YWHAE: variants seen among roughly 807,000 people sequenced by gnomAD.
The protein encoded by YWHAE is 14-3-3 protein epsilon.
Under a neutral mutation model 30.1 loss-of-function variants are expected in YWHAE, and 4 were observed. The ratio of observed to expected loss-of-function variants is 0.13; its 90% CI spans 0.07 to 0.30. The LOEUF is 0.30. YWHAE is among the 10% of genes least tolerant of loss of function. The pLI is 1.00. For missense variants in YWHAE, 121 were observed against 315.9 expected (o/e 0.38, Z 4.68); for synonymous variants, 118 against 111.8 (o/e 1.06, Z -0.35).
intron 1 of YWHAE, among the ~76,000 whole-genome samples, chr17:1,395,400 G>A (rs1002045130): frequency 8.5e-5 from 13 of 152,052 alleles, no homozygotes; most frequent in African/African-American, 1.2e-4. Context: ...GTGGTGGCAC[G>A]CGCCTGTAGT....
At chr17:1,372,752 A>G (rs940162406) in intron 1 of YWHAE, among the ~76,000 whole-genome samples, 23 of 152,122 alleles carry the variant, frequency 1.5e-4, no homozygotes, top group African/African-American at 5.6e-4. Flanking sequence ...CTAGGAGTTC[A>G]AGACCAGCCT....
intron 1 of YWHAE, among the ~76,000 whole-genome samples, chr17:1,373,555 C>A (rs956514905): frequency 2.6e-5 from 4 of 151,892 alleles, no homozygotes; most frequent in African/African-American, 9.7e-5. Flanking sequence ...GTAGTCCCAG[C>A]TACTCGGGAG....
In YWHAE at chr17:1,365,051, C is replaced by T. The variant is rs1270283725; in HGVS notation, c.72G>A (p.Val24=). The T allele has an allele frequency of 3.1e-6, 5 of 1,613,716 alleles. No individual in the cohort carries two copies. The highest frequency in any genetic ancestry group is 4.2e-6 in the Non-Finnish European group (5 of 1,179,976). ...AEQAERYDEM[V]ESMKKVAGMD... is the part of the protein sequence containing the mutation. ...TCCCTGCTACTTTCTTCATTGACTC[C>T]ACCATTTCTGTATGGGAAAAGGAAA... is the stretch of plus-strand genomic sequence containing the variant. The change falls in exon 2 of 6, where the codon GTG becomes GTA. Residue 24 remains valine (V), a synonymous_variant. Coordinates refer to ENST00000264335, the MANE Select transcript of YWHAE (RefSeq NM_006761.5).
intron 5 of YWHAE, among the ~76,000 whole-genome samples, chr17:1,346,830 T>TACAAAAAAA (rs2072527061): frequency 1.4e-5 from 2 of 144,976 alleles, no homozygotes. Flanking sequence ...ACTGAAAAAA[T>TACAAAAAAA]AATACAAAAA....
At chr17:1,354,688 A>G (rs191164076) in intron 4 of YWHAE, among the ~76,000 whole-genome samples, 2 of 152,284 alleles carry the variant, frequency 1.3e-5, no homozygotes, top group East Asian at 1.9e-4. Context: ...TTTAAGACGG[A>G]GTCTGGCTCT....
chr17:1,395,223 T>C (rs1470883447), intron 1 of YWHAE, among the ~76,000 whole-genome samples: 2 of 151,932 alleles, frequency 1.3e-5, no homozygotes, highest in Admixed American at 6.6e-5. Flanking sequence ...TAAAACCCTG[T>C]CTCTACCAAA....
Position 1,388,104 on chromosome 17 carries a change from TTTTTTTTTGGTTGG to T in YWHAE, c.64+11929_64+11942del, listed in dbSNP as rs1567983162. ...CCACCACGCCTGGGTAATTTTTGTT[TTTTTTTTTGGTTGG>T]TTTTTTTTTTTTTTTTTTTTTTTTA... On this transcript the variant is annotated intron_variant, in intron 1 of 5. Coordinates refer to ENST00000264335, the MANE Select transcript of YWHAE (RefSeq NM_006761.5). 8.1e-4 allele frequency among the ~76,000 whole-genome samples: 38 copies of T among 46,870 alleles called. 3 individuals carry two copies. Among genetic ancestry groups the T allele is most frequent in the Admixed American group, 1.6e-3 (5 of 3,206 alleles). 30.7% of individuals were successfully genotyped at this position (46,870 alleles called of 152,430 possible). A position where few individuals can be genotyped will look rare whatever the true frequency, so the allele number is the denominator to read the frequency against.
intron 4 of YWHAE, among the ~76,000 whole-genome samples, chr17:1,356,824 G>C (rs904403504): frequency 5.9e-4 from 89 of 149,968 alleles, no homozygotes; most frequent in African/African-American, 2.2e-3. Flanking sequence ...AAAAAATTCA[G>C]TCAAGCGCAG....
At chr17:1,365,580 A>G (rs567985160) in intron 1 of YWHAE, among the ~76,000 whole-genome samples, 2 of 152,200 alleles carry the variant, frequency 1.3e-5, no homozygotes, top group East Asian at 3.9e-4. Context: ...CATTGGTAAA[A>G]CTTCTGATGA....
At chr17:1,349,590 G>A (rs1405423887) in intron 5 of YWHAE, among the ~76,000 whole-genome samples, 1 of 151,556 alleles carries the variant, frequency 6.6e-6, no homozygotes. Context: ...ACTCAATAAG[G>A]AATTGAACAC....
chr17:1,357,546 C>G (rs887156022), intron 4 of YWHAE, among the ~76,000 whole-genome samples: 11 of 151,696 alleles, frequency 7.3e-5, no homozygotes, highest in Non-Finnish European at 1.0e-4. Context: ...CGCCACTGTA[C>G]TCCAGCCACA....
At chr17:1,388,698 T>C (rs2073344852) in intron 1 of YWHAE, among the ~76,000 whole-genome samples, 1 of 151,488 alleles carries the variant, frequency 6.6e-6, no homozygotes, top group African/African-American at 2.4e-5. Flanking sequence ...GGTATGTCAA[T>C]TCTTTGATGA....
intron 1 of YWHAE, among the ~76,000 whole-genome samples, chr17:1,380,293 G>A (rs1470384704): frequency 6.6e-6 from 1 of 152,040 alleles, no homozygotes; most frequent in Non-Finnish European, 1.5e-5. Context: ...TGTATTTTTA[G>A]TAAAGGTGAG....
chr17:1,386,043 A>G (rs2073296056), intron 1 of YWHAE, among the ~76,000 whole-genome samples: 1 of 152,212 alleles, frequency 6.6e-6, no homozygotes, highest in African/African-American at 2.4e-5. Context: ...TACCAGTGAC[A>G]TTTCAAATGT....
chr17:1,355,133 A>C (rs1328949854), intron 4 of YWHAE, among the ~76,000 whole-genome samples: 16 of 107,996 alleles, frequency 1.5e-4, no homozygotes, highest in African/African-American at 3.3e-4. Context: ...AAAAAAAAAA[A>C]AAAAAAAAAA....
chr17:1,394,031 C>G (rs925505230), intron 1 of YWHAE, among the ~76,000 whole-genome samples: 1 of 152,126 alleles, frequency 6.6e-6, no homozygotes, highest in Non-Finnish European at 1.5e-5. Flanking sequence ...ATCAAGCATA[C>G]GCTACTCACC....
chr17:1,375,803 C>G (rs16945567), intron 1 of YWHAE, among the ~76,000 whole-genome samples: 10,418 of 152,210 alleles, frequency 0.068, 1,199 homozygotes, highest in African/African-American at 0.24. Context: ...AGTTTTTCCC[C>G]TTGACTTGTT....
chr17:1,346,489 C>A lies in YWHAE; in HGVS notation c.716-990G>T, dbSNP rs113224647. Among the ~76,000 whole-genome samples the A allele has an allele frequency of 2.3e-4, 35 of 152,322 alleles. 1 individual carries two copies. The highest frequency in any genetic ancestry group is 8.4e-4 in the African/African-American group (35 of 41,574). ...ATTTAATTAGGATGGACAAATAACA[C>A]CAAACTAGCTGCCTACACACATGAA... On this transcript the variant is annotated intron_variant, in intron 5 of 5. Transcript: ENST00000264335.
chr17:1,349,770 G>A (rs1032557673), intron 5 of YWHAE, among the ~76,000 whole-genome samples: 21 of 151,204 alleles, frequency 1.4e-4, no homozygotes, highest in African/African-American at 4.2e-4. Context: ...CCACCACCAC[G>A]CCCGGGTAAT....
Sources: allele counts gnomAD v4.1 joint callset (sites outside exome capture counted in the v4.1 genomes callset), GRCh38; gene constraint gnomAD v4.1.1; transcripts MANE v1.5; gene names NCBI Gene and HGNC (gene_info 2026-07-23, HGNC 2026-07-21).